The following CPA6 variants were observed in gnomAD, a reference collection of about 807,000 sequenced individuals.
CPA6 encodes carboxypeptidase A6.
CPA6 carries 58 observed loss-of-function variants against 63.3 expected under a neutral mutation model. The observed-to-expected ratio is 0.92, with a 90% CI of 0.74 to 1.14. The LOEUF is 1.14. Ranked by LOEUF, CPA6 falls within the 50% of genes most tolerant of loss-of-function variation. CPA6 has a pLI of 0.00. For synonymous variants in CPA6, 185 were observed against 179.0 expected (o/e 1.03, Z -0.27); for missense variants, 565 against 526.6 (o/e 1.07, Z -0.71).
intron 4 of CPA6, among the ~76,000 whole-genome samples, 194 bp from the exon 5 acceptor site, chr8:67,509,812 C>A (rs528088028): frequency 2.0e-5 from 3 of 152,056 alleles, no homozygotes; most frequent in Non-Finnish European, 2.9e-5. Context: ...AATTTTCTGC[C>A]TTTACAGATA....
chr8:67,682,859 C>T (rs1816625853), intron 1 of CPA6, among the ~76,000 whole-genome samples: 1 of 152,184 alleles, frequency 6.6e-6, no homozygotes, highest in African/African-American at 2.4e-5. Context: ...TGGGATATTC[C>T]CTAGAGTATT....
chr8:67,517,476 C>T lies in CPA6; in HGVS notation c.317+447G>A, dbSNP rs113151045. Among the ~76,000 whole-genome samples, 646 of 152,290 alleles carry T rather than the reference C, an allele frequency of 4.2e-3. 4 individuals carry two copies. The highest frequency in any genetic ancestry group is 0.015 in the African/African-American group (608 of 41,554). On this transcript the variant is annotated intron_variant, in intron 3 of 10. Transcript: ENST00000297770. ...CCACAATCTGAACTCCCTGTTTCTC[C>T]AGCATCATTTCTTTCTGCCCTCTGA...
chr8:67,480,885 T>C (rs1212534249), intron 8 of CPA6, among the ~76,000 whole-genome samples: 3 of 152,222 alleles, frequency 2.0e-5, no homozygotes, highest in Non-Finnish European at 2.9e-5. Flanking sequence ...TACCTATTCC[T>C]ATTGTGGTTT....
intron 2 of CPA6, among the ~76,000 whole-genome samples, chr8:67,528,175 T>A (rs1812404522): frequency 6.6e-6 from 1 of 152,218 alleles, no homozygotes; most frequent in Non-Finnish European, 1.5e-5. Flanking sequence ...GTGATTAACC[T>A]ACAGAGAGGA....
intron 1 of CPA6, among the ~76,000 whole-genome samples, chr8:67,662,266 G>C (rs1341281110): frequency 2.0e-5 from 3 of 152,108 alleles, no homozygotes; most frequent in African/African-American, 7.2e-5. Context: ...CAGGTGACAA[G>C]AAACCTACAG....
intron 1 of CPA6, among the ~76,000 whole-genome samples, chr8:67,688,297 C>A (rs1467222448): frequency 6.6e-6 from 1 of 152,048 alleles, no homozygotes; most frequent in African/African-American, 2.4e-5. Context: ...CCCAAATGAC[C>A]AAGGGGACAG....
chr8:67,424,605 T>G (rs1809843785), intron 10 of CPA6, among the ~76,000 whole-genome samples: 1 of 152,202 alleles, frequency 6.6e-6, no homozygotes, highest in South Asian at 2.1e-4. Context: ...CTATAGCACT[T>G]CCTTCACATT....
intron 6 of CPA6, among the ~76,000 whole-genome samples, chr8:67,502,095 T>C (rs1171911651): frequency 1.3e-5 from 2 of 152,200 alleles, no homozygotes; most frequent in Admixed American, 6.6e-5. Flanking sequence ...TTCCATTTCA[T>C]TTCTGATATT....
rs539443552 is a variant in CPA6 at position 67,745,877 on chromosome 8, T to A, written c.116+137A>T. On this transcript the variant is annotated intron_variant, in intron 1 of 10. Coordinates refer to ENST00000297770, the MANE Select transcript of CPA6 (RefSeq NM_020361.5). The stretch of plus-strand genomic sequence containing the variant: ...CCAAGAGCAGAGAGCTGTGAGTACA[T>A]TTTATATAGAGGACCGTGAAAGTGT... The A allele has an allele frequency of 5.4e-6, 3 of 554,806 alleles. No individual in the cohort carries two copies. In the South Asian group the frequency reaches 9.6e-5, roughly 18 times the overall value. The allele number at this position is 554,806 out of a possible 1,614,324, so 34.4% of individuals were successfully genotyped here. A position where few individuals can be genotyped will look rare whatever the true frequency, so the allele number is the denominator to read the frequency against.
chr8:67,708,507 T>G (rs891957214), intron 1 of CPA6, among the ~76,000 whole-genome samples: 5 of 152,190 alleles, frequency 3.3e-5, no homozygotes, highest in Admixed American at 6.6e-5. Flanking sequence ...ACAAGAGGGA[T>G]GGGCCATCAA....
At chr8:67,692,603 T>G (rs1816835616) in intron 1 of CPA6, among the ~76,000 whole-genome samples, 1 of 152,258 alleles carries the variant, frequency 6.6e-6, no homozygotes, top group Non-Finnish European at 1.5e-5. Flanking sequence ...GTGTAAATCA[T>G]GTCTTCCTAA....
intron 1 of CPA6, among the ~76,000 whole-genome samples, chr8:67,713,457 G>T (rs921735381): frequency 1.3e-5 from 2 of 151,932 alleles, no homozygotes; most frequent in African/African-American, 4.8e-5. Context: ...CTTTGTTTCG[G>T]GTTTTACCAT....
intron 1 of CPA6, among the ~76,000 whole-genome samples, chr8:67,723,195 C>T (rs1817534621): frequency 6.6e-6 from 1 of 152,090 alleles, no homozygotes; most frequent in Admixed American, 6.6e-5. Flanking sequence ...TTGTTTTCAG[C>T]TTTTAGAAAA....
intron 3 of CPA6, among the ~76,000 whole-genome samples, chr8:67,515,457 A>T (rs1170938799): frequency 6.6e-6 from 1 of 152,162 alleles, no homozygotes; most frequent in East Asian, 1.9e-4. Flanking sequence ...TTTAAAGGAT[A>T]CACATTCTTT....
intron 1 of CPA6, among the ~76,000 whole-genome samples, chr8:67,699,116 A>G (rs958840101): frequency 2.0e-5 from 3 of 152,172 alleles, no homozygotes; most frequent in Non-Finnish European, 1.5e-5. Context: ...CCAAACAAAT[A>G]TAATGAAAAA....
chr8:67,464,966 T>G (rs963881142), intron 8 of CPA6, among the ~76,000 whole-genome samples: 1 of 152,224 alleles, frequency 6.6e-6, no homozygotes, highest in Non-Finnish European at 1.5e-5. Context: ...TTGTTCTTTT[T>G]GCTTAGGATT....
At chr8:67,563,052 G>C (rs567796183) in intron 2 of CPA6, among the ~76,000 whole-genome samples, 11 of 151,936 alleles carry the variant, frequency 7.2e-5, no homozygotes, top group Admixed American at 5.2e-4. Context: ...TGATCACTGT[G>C]ATGAGCATGG....
intron 1 of CPA6, among the ~76,000 whole-genome samples, chr8:67,728,477 T>G (rs1006134859): frequency 2.0e-5 from 3 of 152,204 alleles, no homozygotes; most frequent in African/African-American, 4.8e-5. Flanking sequence ...GGTCTATAAT[T>G]TGCACTATAA....
intron 1 of CPA6, among the ~76,000 whole-genome samples, chr8:67,674,669 G>A (rs1563387992): frequency 1.3e-5 from 2 of 152,076 alleles, no homozygotes; most frequent in African/African-American, 2.4e-5. Flanking sequence ...TTTCATTACT[G>A]GGCATATACC....
Sources: gnomAD v4.1 joint callset for allele counts (sites outside exome capture counted in the v4.1 genomes callset) on GRCh38, gnomAD v4.1.1 for gene constraint, MANE v1.5 for transcripts, NCBI Gene and HGNC (gene_info 2026-07-23, HGNC 2026-07-21) for gene names.